Variants in PCNX1 observed in about 807,000 individuals in gnomAD.
PCNX1 encodes the protein pecanex 1.
PCNX1 carries 78 observed loss-of-function variants against 242.2 expected under a neutral mutation model. That is an observed-to-expected ratio of 0.32 (90% CI 0.27 to 0.39). The LOEUF is 0.39. Among genes scored for constraint, PCNX1 ranks in the 10% least tolerant of loss-of-function variants. The probability of loss-of-function intolerance (pLI) is 1.00; values close to 1 mark genes in which losing one functional copy is unlikely to be tolerated. For synonymous variants in PCNX1, 1,024 were observed against 1,032.9 expected, an observed-to-expected ratio of 0.99 and a Z score of 0.17; for missense variants, 2,581 against 2,856.5, an observed-to-expected ratio of 0.90 and a Z score of 2.20.
At chr14:71,055,591 CA>C in intron 25 of PCNX1, 29 bp downstream of exon 25, 1 of 1,413,602 alleles carries the variant, frequency 7.1e-7, no homozygotes, top group Non-Finnish European at 1.0e-6. Flanking sequence ...ACTAAGGAGG[CA>C]AGACTAAGGA....
At position 71,026,184 on chromosome 14, in the gene PCNX1, T is replaced by C; in HGVS notation, c.3251T>C (p.Leu1084Pro). The change falls in exon 14 of 36, where the codon CTC (leucine) becomes CCC (proline). Residue 1084 changes from leucine to proline, a missense_variant. Physicochemically the swap from Leu to Pro is moderately conservative, Grantham distance 98. Coordinates refer to ENST00000304743, the MANE Select transcript of PCNX1 (RefSeq NM_014982.3). ...TGCATATGTTGCGGTCTTATTTGGCTCTTGGATTATGGTAGCAGAAACCTG... is the reference window on the plus strand; with the variant it reads ...TGCATATGTTGCGGTCTTATTTGGCCCTTGGATTATGGTAGCAGAAACCTG... Reference protein sequence around the residue: ...YFCICCGLIWLLDYGSRNLTA... With the variant: ...YFCICCGLIWPLDYGSRNLTA... 1 of 1,611,558 alleles carries C rather than the reference T, an allele frequency of 6.2e-7. No homozygotes were observed. The highest frequency in any genetic ancestry group is 8.5e-7 in the Non-Finnish European group (1 of 1,178,124).
intron 11 of PCNX1, among the ~76,000 whole-genome samples, chr14:71,014,947 A>G (rs1286152741): frequency 2.0e-5 from 3 of 152,160 alleles, no homozygotes; most frequent in African/African-American, 7.2e-5. Context: ...CAGTGATAAA[A>G]TTGTTAAAAT....
chr14:70,925,134 G>T (rs1004816534), intron 1 of PCNX1, among the ~76,000 whole-genome samples: 1 of 151,870 alleles, frequency 6.6e-6, no homozygotes, highest in Admixed American at 6.6e-5. Context: ...GATTACAGGC[G>T]TGCGCCACAA....
chr14:71,003,896 G>C (rs1463113159), intron 8 of PCNX1, among the ~76,000 whole-genome samples: 2 of 152,120 alleles, frequency 1.3e-5, no homozygotes, highest in Non-Finnish European at 2.9e-5. Flanking sequence ...TAAAAAGCTA[G>C]AACAGCATTG....
chr14:70,919,661 A>G (rs894403396), intron 1 of PCNX1, among the ~76,000 whole-genome samples: 11 of 140,086 alleles, frequency 7.9e-5, no homozygotes, highest in African/African-American at 2.1e-4. Flanking sequence ...ACTAAATACT[A>G]TAGATGAAAT....
rs1229178014 is a variant in PCNX1 at position 71,113,786 on chromosome 14, G to C, written c.*3851G>C. On this transcript the variant is annotated 3_prime_UTR_variant, in exon 36 of 36. Coordinates refer to ENST00000304743, the MANE Select transcript of PCNX1 (RefSeq NM_014982.3). ...CTACTTAACCATAAACTGCTGTCCAGATTGTTAATTTCATTTATATTTATT... is the reference window on the plus strand; with the variant it reads ...CTACTTAACCATAAACTGCTGTCCACATTGTTAATTTCATTTATATTTATT... 1 of 152,156 alleles carries C rather than the reference G, an allele frequency of 6.6e-6. No homozygotes were observed. Among genetic ancestry groups the C allele is most frequent in the East Asian group, 1.9e-4 (1 of 5,208 alleles). The allele number at this position is 152,156 out of a possible 1,614,324, so 9.4% of individuals were successfully genotyped here.
At position 71,011,783 on chromosome 14, in the gene PCNX1, T is replaced by C. The variant is rs2059827990; in HGVS notation, c.2778+234T>C. On this transcript the variant is annotated intron_variant, in intron 10 of 35. Coordinates refer to ENST00000304743, the MANE Select transcript of PCNX1 (RefSeq NM_014982.3). The stretch of plus-strand genomic sequence containing the variant: ...TGGCATAGAGTATTTTAAAAAGTGT[T>C]TTGGAAAGTATTTGTCAATGCTTAG... The C allele has an allele frequency of 6.5e-6, 3 of 460,236 alleles. No individual in the cohort carries two copies. In the Admixed American group the frequency reaches 1.2e-4, roughly 18 times the overall value. 28.5% of individuals were successfully genotyped at this position (460,236 alleles called of 1,614,324 possible). A position where few individuals can be genotyped will look rare whatever the true frequency, so the allele number is the denominator to read the frequency against.
Position 70,968,226 on chromosome 14 carries a change from C to G in PCNX1, c.497C>G (p.Thr166Arg), listed in dbSNP as rs139623749. 1 of 1,612,834 alleles carries G rather than the reference C, an allele frequency of 6.2e-7. No individual in the cohort carries two copies. Among genetic ancestry groups the G allele is most frequent in the Non-Finnish European group, 8.5e-7 (1 of 1,178,976 alleles). Reference sequence around the variant, plus strand: ...GGATCTGGTTCCTCGCGTCTTGGAACAGCAGCAACTATTAAAGGTAGGTGT... The same window carrying G: ...GGATCTGGTTCCTCGCGTCTTGGAAGAGCAGCAACTATTAAAGGTAGGTGT... ...QIGSGSSRLG[T>R]AATIKGDTDT... The change falls in exon 4 of 36, where the codon ACA (threonine) becomes AGA (arginine). Residue 166 changes from threonine to arginine, a missense_variant. This residue lies in a region of PCNX1 where 1,204 missense variants were observed against 1,216.7 expected (regional missense o/e 0.99). Coordinates refer to ENST00000304743, the MANE Select transcript of PCNX1 (RefSeq NM_014982.3).
At chr14:70,936,600 A>T (rs2057015713) in intron 1 of PCNX1, among the ~76,000 whole-genome samples, 1 of 152,198 alleles carries the variant, frequency 6.6e-6, no homozygotes, top group East Asian at 1.9e-4. Flanking sequence ...TACGTGTTGC[A>T]TGTGTCTTTA....
intron 16 of PCNX1, among the ~76,000 whole-genome samples, chr14:71,029,600 G>T (rs2060327692): frequency 6.6e-6 from 1 of 152,200 alleles, no homozygotes; most frequent in Non-Finnish European, 1.5e-5. Flanking sequence ...TTCTGTGGGT[G>T]TACAAATTAA....
chr14:71,009,882 T>G, intron 9 of PCNX1, 158 bp downstream of exon 9: 2 of 454,514 alleles, frequency 4.4e-6, no homozygotes, highest in Non-Finnish European at 7.9e-6. Flanking sequence ...GCATACAACC[T>G]GATGTTTTGA....
At chr14:71,017,844 T>C (rs1472216417) in intron 11 of PCNX1, among the ~76,000 whole-genome samples, 1 of 152,236 alleles carries the variant, frequency 6.6e-6, no homozygotes, top group Non-Finnish European at 1.5e-5. Context: ...TGAACTTTTT[T>C]ATCTGGTAGA....
intron 20 of PCNX1, among the ~76,000 whole-genome samples, chr14:71,046,522 T>C (rs2060865416): frequency 6.6e-6 from 1 of 152,066 alleles, no homozygotes; most frequent in Non-Finnish European, 1.5e-5. Context: ...TTTTAAATCT[T>C]TTAGTTTATC....
intron 25 of PCNX1, 36 bp from the exon 26 acceptor site, chr14:71,057,473 G>A: frequency 7.2e-7 from 1 of 1,398,166 alleles, no homozygotes; most frequent in Non-Finnish European, 1.0e-6. Flanking sequence ...AGGACTTAAG[G>A]TTAAATTTAA....
chr14:71,088,573 C>G (rs968273981), intron 29 of PCNX1, 143 bp downstream of exon 29: 1 of 519,626 alleles, frequency 1.9e-6, no homozygotes, highest in Non-Finnish European at 3.5e-6. Context: ...ACATCATCTT[C>G]TTGAACATAG....
chr14:70,980,921 A>G (rs779651587), intron 6 of PCNX1, among the ~76,000 whole-genome samples: 12 of 152,130 alleles, frequency 7.9e-5, no homozygotes, highest in Non-Finnish European at 1.6e-4. Context: ...AAGTTCTCCA[A>G]CGATTTCTTT....
At chr14:70,934,471 A>G (rs1594937584) in intron 1 of PCNX1, among the ~76,000 whole-genome samples, 1 of 152,234 alleles carries the variant, frequency 6.6e-6, no homozygotes, top group East Asian at 1.9e-4. Flanking sequence ...TTTCAGAGAC[A>G]GGGTCTCACT....
At chr14:70,950,055 C>A (rs1044333053) in intron 2 of PCNX1, among the ~76,000 whole-genome samples, 3 of 152,094 alleles carry the variant, frequency 2.0e-5, no homozygotes, top group Non-Finnish European at 4.4e-5. Context: ...GGTGATATTT[C>A]TGTATATTTT....
chr14:71,097,835 TAGTC>T (rs2062335546), intron 30 of PCNX1, among the ~76,000 whole-genome samples: 1 of 152,208 alleles, frequency 6.6e-6, no homozygotes, highest in African/African-American at 2.4e-5. Context: ...TTTTAGGACT[TAGTC>T]ATAAATTATT....
Sources: allele counts gnomAD v4.1 joint callset (sites outside exome capture counted in the v4.1 genomes callset), GRCh38; gene constraint gnomAD v4.1.1; regional missense constraint gnomAD v4.1.1; transcripts MANE v1.5; gene names NCBI Gene and HGNC (gene_info 2026-07-23, HGNC 2026-07-21).